The following LTBP1 variants were observed in gnomAD, a reference collection of about 807,000 sequenced individuals.
The protein encoded by LTBP1 is latent transforming growth factor beta binding protein 1.
A neutral mutation model predicts 207.6 loss-of-function variants in LTBP1; 129 were observed. The observed-to-expected ratio is 0.62, with a 90% CI of 0.54 to 0.72. The LOEUF is 0.72. LTBP1 is among the 30% of genes least tolerant of loss of function. The pLI is 0.00. For synonymous variants in LTBP1, 963 were observed against 833.7 expected, an observed-to-expected ratio of 1.16 and a Z score of -2.67; for missense variants, 2,281 against 2,217.2, an observed-to-expected ratio of 1.03 and a Z score of -0.58.
chr2:33,177,222 A>G (rs757558413), intron 5 of LTBP1, among the ~76,000 whole-genome samples: 9 of 152,332 alleles, frequency 5.9e-5, no homozygotes, highest in Middle Eastern at 3.4e-3. Context: ...CTTGTTCGCT[A>G]TATCTCCTAG....
intron 10 of LTBP1, among the ~76,000 whole-genome samples, chr2:33,251,041 A>G (rs1416982333): frequency 2.0e-5 from 3 of 152,182 alleles, no homozygotes; most frequent in Non-Finnish European, 4.4e-5. Context: ...TAGAGACCCA[A>G]GAATTGGCCC....
chr2:33,264,119 G>C (rs923720677), intron 15 of LTBP1, among the ~76,000 whole-genome samples: 3 of 151,716 alleles, frequency 2.0e-5, no homozygotes, highest in Non-Finnish European at 4.4e-5. Flanking sequence ...AGCTGGGCCT[G>C]GTGGCAGGCA....
intron 15 of LTBP1, among the ~76,000 whole-genome samples, chr2:33,266,251 C>T (rs183582197): frequency 3.3e-5 from 5 of 152,330 alleles, no homozygotes; most frequent in East Asian, 1.9e-4. Context: ...AGTCCCCTGT[C>T]GCCTTGGCCC....
intron 5 of LTBP1, among the ~76,000 whole-genome samples, chr2:33,138,848 CTTTTTTTTTTTTT>C (rs71409603): frequency 1.2e-4 from 9 of 77,670 alleles, no homozygotes; most frequent in African/African-American, 3.2e-4. Flanking sequence ...AGTATGTTCT[CTTTTTTTTTTTTT>C]TTTTTTTTTT....
At chr2:32,979,578 G>A (rs1682442927) in intron 2 of LTBP1, among the ~76,000 whole-genome samples, 1 of 152,024 alleles carries the variant, frequency 6.6e-6, no homozygotes, top group South Asian at 2.1e-4. Flanking sequence ...TCAGTTTTAA[G>A]AGTTGTTTTG....
At chr2:32,972,119 T>TTTG (rs1291240456) in intron 2 of LTBP1, among the ~76,000 whole-genome samples, 1 of 133,032 alleles carries the variant, frequency 7.5e-6, no homozygotes, top group Non-Finnish European at 1.7e-5. Flanking sequence ...AGTTTTTTGT[T>TTTG]TTTTTTTTTC....
At chr2:33,016,533 C>T (rs1455213981) in intron 2 of LTBP1, among the ~76,000 whole-genome samples, 2 of 152,132 alleles carry the variant, frequency 1.3e-5, no homozygotes, top group African/African-American at 4.8e-5. Flanking sequence ...TGGAGTTAGG[C>T]CTGGGTTTGG....
chr2:33,111,400 A>G (rs557632106), intron 4 of LTBP1, among the ~76,000 whole-genome samples: 3 of 152,348 alleles, frequency 2.0e-5, no homozygotes, highest in African/African-American at 4.8e-5. Flanking sequence ...AGTAAGGCGC[A>G]GCCCATCCAA....
chr2:33,311,210 C>T (rs1454039527), intron 23 of LTBP1, among the ~76,000 whole-genome samples: 1 of 152,092 alleles, frequency 6.6e-6, no homozygotes, highest in Non-Finnish European at 1.5e-5. Context: ...ACCTTTGCCA[C>T]AAGGTTTTTA....
chr2:33,213,977 A>T (rs1226302158), intron 7 of LTBP1, among the ~76,000 whole-genome samples: 2 of 152,214 alleles, frequency 1.3e-5, no homozygotes, highest in Non-Finnish European at 2.9e-5. Context: ...AGAAAAAATG[A>T]TTTATTTTTG....
At chr2:33,053,957 G>T (rs556407238) in intron 3 of LTBP1, among the ~76,000 whole-genome samples, 2 of 152,322 alleles carry the variant, frequency 1.3e-5, no homozygotes, top group Admixed American at 1.3e-4. Context: ...CAAATAACAG[G>T]TGAGGGCTAT....
intron 5 of LTBP1, among the ~76,000 whole-genome samples, chr2:33,156,235 G>C (rs777292372): frequency 1.3e-5 from 2 of 152,208 alleles, no homozygotes; most frequent in Non-Finnish European, 2.9e-5. Flanking sequence ...TTTGAACCCA[G>C]ATCCTTCAGA....
At chr2:33,262,093 C>A (rs2093027958) in intron 13 of LTBP1, among the ~76,000 whole-genome samples, 2 of 152,288 alleles carry the variant, frequency 1.3e-5, no homozygotes, top group Admixed American at 1.3e-4. Context: ...GTCCAGGGGA[C>A]AAGCGTGGGC....
chr2:33,101,999 A>G (rs891865456), intron 3 of LTBP1, among the ~76,000 whole-genome samples: 2 of 152,188 alleles, frequency 1.3e-5, no homozygotes, highest in East Asian at 3.9e-4. Context: ...ATAGAAGAGA[A>G]GAGGATATGT....
Position 33,348,161 on chromosome 2 carries a change from A to C in LTBP1, c.4000+651A>C, listed in dbSNP as rs141754776. ...CTTGGTTGTATTTTAGGGAAAGCAA[A>C]GGCCCAAATGGTCCTTTGAGAGCCA... On this transcript the variant is annotated intron_variant, in intron 26 of 33. Coordinates refer to ENST00000404816, the MANE Select transcript of LTBP1 (RefSeq NM_206943.4). Among the ~76,000 whole-genome samples the C allele has an allele frequency of 6.7e-3, 1,016 of 152,312 alleles. 8 individuals carry two copies. Among genetic ancestry groups the C allele is most frequent in the South Asian group, 0.037 (178 of 4,828 alleles).
intron 3 of LTBP1, among the ~76,000 whole-genome samples, chr2:33,078,272 G>A (rs1368779578): frequency 6.6e-6 from 1 of 152,188 alleles, no homozygotes. Flanking sequence ...AAATGGGAAG[G>A]CTGTGTCTCT....
intron 5 of LTBP1, among the ~76,000 whole-genome samples, chr2:33,138,913 C>T (rs1212514661): frequency 1.7e-5 from 2 of 120,540 alleles, no homozygotes; most frequent in South Asian, 2.8e-4. Context: ...GGCTGGAGTG[C>T]AGTGGCGCGA....
intron 3 of LTBP1, among the ~76,000 whole-genome samples, chr2:33,070,196 A>C (rs2077720424): frequency 6.6e-6 from 1 of 152,234 alleles, no homozygotes. Flanking sequence ...GCTGCCCACA[A>C]AAAAACAAAC....
chr2:33,329,958 A>T (rs900284116), intron 24 of LTBP1, among the ~76,000 whole-genome samples: 1 of 152,066 alleles, frequency 6.6e-6, no homozygotes, highest in African/African-American at 2.4e-5. Context: ...GAATCAATAG[A>T]TCAATTTGGG....
Sources: allele counts gnomAD v4.1 joint callset (sites outside exome capture counted in the v4.1 genomes callset), GRCh38; gene constraint gnomAD v4.1.1; transcripts MANE v1.5; gene names NCBI Gene and HGNC (gene_info 2026-07-23, HGNC 2026-07-21).